ESRRG: variants seen among roughly 807,000 people sequenced by gnomAD.
ESRRG encodes the protein estrogen related receptor gamma, also known as estrogen-related receptor gamma.
Under a neutral mutation model 44.0 loss-of-function variants are expected in ESRRG, and 13 were observed. The ratio of observed to expected loss-of-function variants is 0.30; its 90% CI spans 0.19 to 0.47. The LOEUF is 0.47. ESRRG is among the 20% of genes least tolerant of loss of function. The pLI is 1.00. For synonymous variants in ESRRG, 215 were observed against 214.6 expected, an observed-to-expected ratio of 1.00 and a Z score of -0.02; for missense variants, 395 against 580.6, an observed-to-expected ratio of 0.68 and a Z score of 3.29.
At chr1:216,515,408 C>A (rs2043948226) in intron 6 of ESRRG, among the ~76,000 whole-genome samples, 1 of 152,000 alleles carries the variant, frequency 6.6e-6, no homozygotes, top group African/African-American at 2.4e-5. Flanking sequence ...CTAAGTCAAA[C>A]CTATATGAGA....
chr1:217,032,465 C>CT (rs1177942746), intron 1 of ESRRG, among the ~76,000 whole-genome samples: 1 of 152,132 alleles, frequency 6.6e-6, no homozygotes, highest in African/African-American at 2.4e-5. Context: ...TACAGGATGA[C>CT]TAGACAACAA....
At chr1:216,732,123 T>TA (rs59259420) in intron 2 of ESRRG, among the ~76,000 whole-genome samples, 2 of 104,770 alleles carry the variant, frequency 1.9e-5, no homozygotes, top group South Asian at 2.6e-4. Context: ...AAAAAGAAAA[T>TA]AAAAAAAAGA....
At position 216,506,695 on chromosome 1, in the gene ESRRG, A is replaced by G. The variant is rs1333782912; in HGVS notation, c.*244T>C. ...AGGGAGGTGAAAGAAGAAAAGGAGA[A>G]AAAATAAAGAGAAAGAGAAATGTGG... On this transcript the variant is annotated 3_prime_UTR_variant, in exon 7 of 7. Coordinates refer to ENST00000408911, the MANE Select transcript of ESRRG (RefSeq NM_001438.4). The G allele has an allele frequency of 3.4e-6, 2 of 595,460 alleles. No individual in the cohort carries two copies. Among genetic ancestry groups the G allele is most frequent in the Non-Finnish European group, 6.1e-6 (2 of 329,818 alleles). 36.9% of individuals were successfully genotyped at this position (595,460 alleles called of 1,614,324 possible). A position where few individuals can be genotyped will look rare whatever the true frequency, so the allele number is the denominator to read the frequency against.
At chr1:216,993,226 T>G (rs2075966672) in intron 1 of ESRRG, among the ~76,000 whole-genome samples, 1 of 152,204 alleles carries the variant, frequency 6.6e-6, no homozygotes, top group Admixed American at 6.5e-5. Flanking sequence ...CCTACATTTC[T>G]CTAAGTCTCA....
intron 5 of ESRRG, among the ~76,000 whole-genome samples, chr1:216,553,934 A>G (rs949090016): frequency 7.9e-5 from 12 of 152,148 alleles, no homozygotes; most frequent in Non-Finnish European, 1.2e-4. Context: ...AGTCATAGCA[A>G]AGTATGTATA....
chr1:216,832,105 G>C (rs187480293), intron 2 of ESRRG, among the ~76,000 whole-genome samples: 3 of 152,116 alleles, frequency 2.0e-5, no homozygotes, highest in Non-Finnish European at 4.4e-5. Flanking sequence ...AGTGCATTTT[G>C]TCTTATGAGC....
At chr1:216,817,261 T>C (rs2095168120) in intron 2 of ESRRG, among the ~76,000 whole-genome samples, 1 of 152,154 alleles carries the variant, frequency 6.6e-6, no homozygotes, top group Non-Finnish European at 1.5e-5. Flanking sequence ...GAACTCAATC[T>C]GTGGTCTTAA....
chr1:216,658,198 A>G (rs1280008145), intron 2 of ESRRG, among the ~76,000 whole-genome samples: 1 of 152,100 alleles, frequency 6.6e-6, no homozygotes, highest in African/African-American at 2.4e-5. Flanking sequence ...ATTTCTAACA[A>G]TAAGATTCTA....
intron 6 of ESRRG, among the ~76,000 whole-genome samples, chr1:216,511,196 C>T (rs2042615641): frequency 1.3e-5 from 2 of 152,052 alleles, no homozygotes; most frequent in African/African-American, 4.8e-5. Context: ...TCTCTCCAAT[C>T]ATTGAATGAA....
intron 6 of ESRRG, among the ~76,000 whole-genome samples, chr1:216,509,770 C>T (rs1465279475): frequency 1.3e-5 from 2 of 152,200 alleles, no homozygotes; most frequent in African/African-American, 2.4e-5. Context: ...ATTCTCGGAT[C>T]TGCTAATACT....
At chr1:216,694,299 A>T (rs2079660108) in intron 1 of ESRRG, among the ~76,000 whole-genome samples, 1 of 152,172 alleles carries the variant, frequency 6.6e-6, no homozygotes, top group South Asian at 2.1e-4. Context: ...GATGATCCCC[A>T]AAGTGAGAAA....
At chr1:216,845,416 C>T (rs2095727948) in intron 2 of ESRRG, among the ~76,000 whole-genome samples, 1 of 152,116 alleles carries the variant, frequency 6.6e-6, no homozygotes, top group African/African-American at 2.4e-5. Context: ...ATTTATTCCA[C>T]CTACTGTAGA....
chr1:217,070,848 A>T (rs2090468945), intron 1 of ESRRG, among the ~76,000 whole-genome samples: 1 of 152,220 alleles, frequency 6.6e-6, no homozygotes, highest in East Asian at 1.9e-4. Flanking sequence ...TTCGAAGGTA[A>T]AATACCACAA....
intron 3 of ESRRG, among the ~76,000 whole-genome samples, chr1:216,638,927 C>T (rs143113121): frequency 6.6e-6 from 1 of 152,304 alleles, no homozygotes; most frequent in East Asian, 1.9e-4. Context: ...GAAATATTTA[C>T]ACAGATCAAA....
chr1:216,888,850 C>T (rs1167397106), intron 2 of ESRRG, among the ~76,000 whole-genome samples: 1 of 152,030 alleles, frequency 6.6e-6, no homozygotes, highest in Non-Finnish European at 1.5e-5. Context: ...GATATGATCC[C>T]CAGCCACTGT....
chr1:216,626,293 TCTC>T (rs1475875019), intron 3 of ESRRG, among the ~76,000 whole-genome samples: 3 of 152,144 alleles, frequency 2.0e-5, no homozygotes, highest in African/African-American at 7.2e-5. Context: ...AAATTCCTCT[TCTC>T]CTACCCTCGG....
At chr1:216,837,797 G>A (rs547643401) in intron 2 of ESRRG, among the ~76,000 whole-genome samples, 22 of 152,304 alleles carry the variant, frequency 1.4e-4, no homozygotes, top group Admixed American at 8.5e-4. Context: ...ATTTAAAAGG[G>A]TTGAAGAGAA....
intron 2 of ESRRG, among the ~76,000 whole-genome samples, chr1:216,922,154 A>G (rs899708319): frequency 1.3e-5 from 2 of 152,202 alleles, no homozygotes; most frequent in African/African-American, 4.8e-5. Flanking sequence ...ATACAATAAT[A>G]TCTACCCTCC....
chr1:217,134,916 GC>G (rs1558300371), intron 1 of ESRRG, among the ~76,000 whole-genome samples: 1 of 152,270 alleles, frequency 6.6e-6, no homozygotes, highest in African/African-American at 2.4e-5. Flanking sequence ...CCTGGCCGCA[GC>G]CGCTGGAAAA....
Sources: gnomAD v4.1 joint callset for allele counts (sites outside exome capture counted in the v4.1 genomes callset) on GRCh38, gnomAD v4.1.1 for gene constraint, MANE v1.5 for transcripts, NCBI Gene and HGNC (gene_info 2026-07-23, HGNC 2026-07-21) for gene names.